TNKS2: variants seen among roughly 807,000 people sequenced by gnomAD.
TNKS2 encodes the protein poly [ADP-ribose] polymerase tankyrase-2.
Under a neutral mutation model 137.6 loss-of-function variants are expected in TNKS2, and 72 were observed. That is an observed-to-expected ratio of 0.52 (90% CI 0.43 to 0.64). The LOEUF (loss-of-function observed/expected upper bound fraction) is 0.64, where lower values mean the gene tolerates loss of function less well. Ranked by LOEUF, TNKS2 falls within the 30% of genes least tolerant of loss-of-function variation. The pLI is 0.00. For synonymous variants in TNKS2, 516 were observed against 512.1 expected, an observed-to-expected ratio of 1.01 and a Z score of -0.10; for missense variants, 1,049 against 1,410.2, an observed-to-expected ratio of 0.74 and a Z score of 4.10.
Position 91,835,276 on chromosome 10 carries a change from CTT to C in TNKS2, c.1447+1259_1447+1260del, listed in dbSNP as rs934593143. 2.8e-5 allele frequency among the ~76,000 whole-genome samples: 4 copies of C among 141,354 alleles called. No homozygotes were observed. In the Admixed American group the frequency reaches 2.9e-4, roughly 10 times the overall value. 92.7% of individuals were successfully genotyped at this position (141,354 alleles called of 152,430 possible). ...TTTAATGTGTTTATTGCCCATTTCT[CTT>C]TTTTTTCTTTTTTTTTTTCTTTTTT... On this transcript the variant is annotated intron_variant, in intron 12 of 26. Coordinates refer to ENST00000371627, the MANE Select transcript of TNKS2 (RefSeq NM_025235.4).
At chr10:91,816,535 G>A (rs1318916887) in intron 2 of TNKS2, among the ~76,000 whole-genome samples, 4 of 152,136 alleles carry the variant, frequency 2.6e-5, no homozygotes, top group African/African-American at 7.2e-5. Context: ...GGTATCAATA[G>A]TGGACAAATA....
Position 91,798,873 on chromosome 10 carries a change from G to A in TNKS2, c.183G>A (p.Pro61=), listed in dbSNP as rs1244461243. ...SRDTAGRKST[P]LHFAAGFGRK... is the part of the protein sequence containing the mutation. ...ACACGGCGGGCAGGAAATCCACCCCGCTGCACTTCGCCGCAGGTAACCGGG... is the reference window on the plus strand; with the variant it reads ...ACACGGCGGGCAGGAAATCCACCCCACTGCACTTCGCCGCAGGTAACCGGG... Residue 61 remains proline (P), a synonymous_variant, in exon 1 of 27, where the codon CCG becomes CCA. Coordinates refer to ENST00000371627, the MANE Select transcript of TNKS2 (RefSeq NM_025235.4). The A allele has an allele frequency of 3.6e-6, 5 of 1,373,230 alleles. No homozygotes were observed. Among genetic ancestry groups the A allele is most frequent in the Admixed American group, 6.6e-5 (2 of 30,252 alleles). 85.1% of individuals were successfully genotyped at this position (1,373,230 alleles called of 1,614,324 possible).
At chr10:91,811,172 C>T (rs1265721755) in intron 1 of TNKS2, among the ~76,000 whole-genome samples, 2 of 151,914 alleles carry the variant, frequency 1.3e-5, no homozygotes, top group Non-Finnish European at 2.9e-5. Flanking sequence ...GATCTGCCCA[C>T]CTGGGCCTCC....
At position 91,857,500 on chromosome 10, in the gene TNKS2, A is replaced by G. The variant is rs754206642; in HGVS notation, c.3064A>G (p.Asn1022Asp). 4 of 1,611,630 alleles carry G rather than the reference A, an allele frequency of 2.5e-6. No individual in the cohort carries two copies. Among genetic ancestry groups the G allele is most frequent in the African/African-American group, 1.3e-5 (1 of 74,902 alleles). The change falls in exon 24 of 27, where the codon AAC (asparagine) becomes GAC (aspartate). Residue 1022 changes from asparagine to aspartate, a missense_variant. Physicochemically the swap from Asn to Asp is conservative, Grantham distance 23 (BLOSUM62 1). Around this residue, in one of 6 missense-constraint regions of TNKS2, gnomAD observed 133 missense variants for 248.4 expected, o/e 0.54. Coordinates refer to ENST00000371627, the MANE Select transcript of TNKS2 (RefSeq NM_025235.4). ...RRKEVSEENH[N>D]HANERMLFHG... ...AAAAGAAGTTTCTGAAGAAAACCACAACCATGCCAATGAACGAATGCTATT... is the reference window on the plus strand; with the variant it reads ...AAAAGAAGTTTCTGAAGAAAACCACGACCATGCCAATGAACGAATGCTATT...
At chr10:91,823,756 C>G (rs1396666184) in intron 7 of TNKS2, among the ~76,000 whole-genome samples, 4 of 152,172 alleles carry the variant, frequency 2.6e-5, no homozygotes, top group Non-Finnish European at 4.4e-5. Context: ...TCCTTCAGCA[C>G]TTTTCCCCAC....
intron 1 of TNKS2, among the ~76,000 whole-genome samples, chr10:91,806,968 A>G (rs1216205869): frequency 6.6e-6 from 1 of 152,244 alleles, no homozygotes; most frequent in Non-Finnish European, 1.5e-5. Flanking sequence ...TTTCTTGTTC[A>G]GTTTCCAAAA....
intron 1 of TNKS2, among the ~76,000 whole-genome samples, chr10:91,805,345 C>A (rs1650608652): frequency 6.6e-6 from 1 of 152,186 alleles, no homozygotes. Context: ...CATGTTGATA[C>A]AGACATTGAC....
chr10:91,827,115 T>C lies in TNKS2; in HGVS notation c.894T>C (p.Ser298=). 6.2e-7 allele frequency: 1 copy of C among 1,612,372 alleles called. No homozygotes were observed. The highest frequency in any genetic ancestry group is 8.5e-7 in the Non-Finnish European group (1 of 1,179,180). The change falls in exon 8 of 27, where the codon AGT becomes AGC. Residue 298 remains serine (S), a synonymous_variant. Transcript: ENST00000371627. ...TTGAAGTATGTTCTCTTCTCTTAAG[T>C]TATGGTGCAGACCCAACACTGCTCA... The part of the protein sequence containing the change: ...NRVEVCSLLL[S]YGADPTLLNC...
chr10:91,849,463 A>G lies in TNKS2; in HGVS notation c.2612-49A>G, dbSNP rs775122655. The G allele has an allele frequency of 5.6e-6, 8 of 1,430,540 alleles. No homozygotes were observed. The South Asian group carries it at 8.4e-5, about 15-fold the overall frequency. 88.6% of individuals were successfully genotyped at this position (1,430,540 alleles called of 1,614,324 possible). On this transcript the variant is annotated intron_variant, in intron 19 of 26. Coordinates refer to ENST00000371627, the MANE Select transcript of TNKS2 (RefSeq NM_025235.4). Reference sequence around the variant, plus strand: ...CTTTACTGTTATAGTGATGAAATACATTATTCTGATGTGAAATTCCATTTG... The same window carrying G: ...CTTTACTGTTATAGTGATGAAATACGTTATTCTGATGTGAAATTCCATTTG...
intron 1 of TNKS2, among the ~76,000 whole-genome samples, chr10:91,802,802 T>G (rs939022105): frequency 6.6e-6 from 1 of 152,260 alleles, no homozygotes; most frequent in African/African-American, 2.4e-5. Flanking sequence ...AGTTATAGAT[T>G]GTTGTTTTCA....
chr10:91,807,051 C>T (rs1844344734), intron 1 of TNKS2: 1 of 1,178,114 alleles, frequency 8.5e-7, no homozygotes, highest in East Asian at 2.5e-5. Context: ...AAGAAAATTA[C>T]AAAAAATGAC....
rs552380047 is a variant in TNKS2, at chr10:91,847,605, C to T, written c.2359-778C>T. On this transcript the variant is annotated intron_variant, in intron 18 of 26. Transcript: ENST00000371627. Reference sequence around the variant, plus strand: ...CTGACCTCAAGTGATCGACCCACCTCGGCCTCCCAAAGTGCTGGGATTACA... The same window carrying T: ...CTGACCTCAAGTGATCGACCCACCTTGGCCTCCCAAAGTGCTGGGATTACA... 8.0e-3 allele frequency among the ~76,000 whole-genome samples: 999 copies of T among 125,172 alleles called. 14 individuals carry two copies. Among genetic ancestry groups the T allele is most frequent in the African/African-American group, 0.029 (925 of 32,186 alleles). The allele number at this position is 125,172 out of a possible 152,430, so 82.1% of individuals were successfully genotyped here.
intron 2 of TNKS2, among the ~76,000 whole-genome samples, chr10:91,815,725 G>C (rs1844671598): frequency 6.6e-6 from 1 of 151,972 alleles, no homozygotes; most frequent in Non-Finnish European, 1.5e-5. Context: ...ACTAGAAAAT[G>C]TTAAATTATT....
At chr10:91,819,211 A>C in intron 3 of TNKS2, 59 bp from the exon 4 acceptor site, 2 of 1,067,322 alleles carry the variant, frequency 1.9e-6, no homozygotes, top group Non-Finnish European at 2.6e-6. Context: ...ATCTTTTTGC[A>C]TAAAACTCAT....
chr10:91,829,163 C>G (rs970941587), intron 9 of TNKS2, among the ~76,000 whole-genome samples: 9 of 151,948 alleles, frequency 5.9e-5, no homozygotes, highest in African/African-American at 2.2e-4. Context: ...CCTTACTTAC[C>G]TAATATCTTT....
rs967342112 is a variant in TNKS2 at position 91,859,759 on chromosome 10, G to T, written c.3281+111G>T. 1.1e-5 allele frequency: 9 copies of T among 795,120 alleles called. No homozygotes were observed. The African/African-American group carries it at 1.6e-4, about 14-fold the overall frequency. The allele number at this position is 795,120 out of a possible 1,614,324, so 49.3% of individuals were successfully genotyped here. A position where few individuals can be genotyped will look rare whatever the true frequency, so the allele number is the denominator to read the frequency against. ...AGTCTTAGGAATGCAAGCTAGGCAT[G>T]TTTTAGATTGCTTTTGGCCCTCTCA... On this transcript the variant is annotated intron_variant, in intron 25 of 26. Coordinates refer to ENST00000371627, the MANE Select transcript of TNKS2 (RefSeq NM_025235.4).
intron 5 of TNKS2, 29 bp downstream of exon 5, chr10:91,819,586 T>A: frequency 6.6e-7 from 1 of 1,512,592 alleles, no homozygotes; most frequent in Non-Finnish European, 8.9e-7. Flanking sequence ...GAGTTTGTGC[T>A]TATCTCCTGG....
At chr10:91,836,530 C>A in intron 12 of TNKS2, 2 of 623,488 alleles carry the variant, frequency 3.2e-6, no homozygotes, top group Non-Finnish European at 4.0e-6. Flanking sequence ...GTGACTTGTT[C>A]CAGTTCAGAT....
chr10:91,845,682 A>G (rs1842348985), intron 17 of TNKS2, 70 bp from the exon 18 acceptor site: 2 of 1,245,552 alleles, frequency 1.6e-6, no homozygotes, highest in Non-Finnish European at 2.1e-6. Context: ...GTACGTAACT[A>G]GTTTCATTTT....
Sources: allele counts gnomAD v4.1 joint callset (sites outside exome capture counted in the v4.1 genomes callset), GRCh38; gene constraint gnomAD v4.1.1; regional missense constraint gnomAD v4.1.1; transcripts MANE v1.5; gene names NCBI Gene and HGNC (gene_info 2026-07-23, HGNC 2026-07-21).